The following USP32 variants were observed in gnomAD, a reference collection of about 807,000 sequenced individuals.
USP32 encodes the protein ubiquitin specific peptidase 32, also known as ubiquitin carboxyl-terminal hydrolase 32.
USP32 carries 59 observed loss-of-function variants against 204.8 expected under a neutral mutation model. The observed-to-expected ratio is 0.29, with a 90% CI of 0.23 to 0.36. USP32 has a LOEUF of 0.36. Among genes scored for constraint, USP32 ranks in the 10% least tolerant of loss-of-function variants. USP32 has a pLI of 1.00. For synonymous variants in USP32, 517 were observed against 678.4 expected, an observed-to-expected ratio of 0.76 and a Z score of 3.70; for missense variants, 1,160 against 1,946.4, an observed-to-expected ratio of 0.60 and a Z score of 7.60.
intron 33 of USP32, among the ~76,000 whole-genome samples, chr17:60,180,290 C>T (rs1347291189): frequency 1.3e-5 from 2 of 152,220 alleles, no homozygotes; most frequent in African/African-American, 4.8e-5. Flanking sequence ...CTGCCTCAGC[C>T]TCCCAAGGTG....
rs116015550 is a variant in USP32, at chr17:60,399,501, T to A, written c.106+22745A>T. ...AAGAGCCTGTCTCTACAAAAAAATTTAAAAAAAAAAATTTAGCTGGGTGTG... is the reference window on the plus strand; with the variant it reads ...AAGAGCCTGTCTCTACAAAAAAATTAAAAAAAAAAAATTTAGCTGGGTGTG... On this transcript the variant is annotated intron_variant, in intron 1 of 3. Coordinates refer to the USP32 transcript ENST00000588898. Among the ~76,000 whole-genome samples, 1,480 of 148,248 alleles carry A rather than the reference T, an allele frequency of 1.0e-2. 14 individuals are homozygous for A. The highest frequency in any genetic ancestry group is 0.021 in the South Asian group (97 of 4,668).
chr17:60,357,956 TG>T (rs1312891447), intron 1 of USP32, among the ~76,000 whole-genome samples: 1 of 151,974 alleles, frequency 6.6e-6, no homozygotes. Flanking sequence ...TTAGTAGAGA[TG>T]GGGTTTTCAC....
At chr17:60,351,419 A>G (rs963098250) in intron 1 of USP32, among the ~76,000 whole-genome samples, 14 of 151,438 alleles carry the variant, frequency 9.2e-5, no homozygotes, top group Non-Finnish European at 1.5e-4. Flanking sequence ...GCATTTATGA[A>G]ATGTCTACTA....
intron 1 of USP32, among the ~76,000 whole-genome samples, chr17:60,372,441 CAT>C (rs1339762152): frequency 6.6e-6 from 1 of 151,734 alleles, no homozygotes; most frequent in Non-Finnish European, 1.5e-5. Context: ...ACCTACACAG[CAT>C]ATTACTGTAC....
At chr17:60,399,600 C>T (rs2089921733) in intron 1 of USP32, among the ~76,000 whole-genome samples, 1 of 151,936 alleles carries the variant, frequency 6.6e-6, no homozygotes, top group Non-Finnish European at 1.5e-5. Flanking sequence ...GAAGTGGAGG[C>T]TCCAGTAGGC....
rs578241138 is a variant in USP32, at chr17:60,342,143, T to A, written c.186+3338A>T. On this transcript the variant is annotated intron_variant, in intron 2 of 33. Coordinates refer to ENST00000300896, the MANE Select transcript of USP32 (RefSeq NM_032582.4). ...TGCTATTCCTTTCTGTTTGTTCATT[T>A]TCCTTCTAACACTCAGGTCTCTCAG... Among the ~76,000 whole-genome samples the A allele has an allele frequency of 4.7e-4, 72 of 152,320 alleles. 1 individual carries two copies. Among genetic ancestry groups the A allele is most frequent in the African/African-American group, 1.7e-3 (70 of 41,578 alleles).
intron 11 of USP32, 51 bp from the exon 12 acceptor site, chr17:60,236,291 G>T: frequency 6.9e-7 from 1 of 1,452,986 alleles, no homozygotes; most frequent in Non-Finnish European, 9.6e-7. Context: ...GAAATAGGTG[G>T]CAACGCACAA....
intron 1 of USP32, among the ~76,000 whole-genome samples, chr17:60,368,201 G>A (rs900882187): frequency 2.6e-5 from 4 of 152,018 alleles, no homozygotes; most frequent in Non-Finnish European, 4.4e-5. Context: ...CAACCTTCCC[G>A]CAGAAAGAGA....
intron 26 of USP32, among the ~76,000 whole-genome samples, chr17:60,198,716 T>C (rs1249816263): frequency 6.6e-6 from 1 of 152,250 alleles, no homozygotes; most frequent in Non-Finnish European, 1.5e-5. Context: ...AAACCAGTTT[T>C]CTCTGATAAA....
intron 2 of USP32, among the ~76,000 whole-genome samples, chr17:60,335,149 T>C (rs1171191282): frequency 7.1e-6 from 1 of 141,770 alleles, no homozygotes; most frequent in African/African-American, 3.1e-5. Context: ...ATTTTTTTTA[T>C]TTTTTGTAGA....
chr17:60,243,020 A>T (rs1646663755), intron 11 of USP32, among the ~76,000 whole-genome samples: 1 of 152,208 alleles, frequency 6.6e-6, no homozygotes, highest in African/African-American at 2.4e-5. Flanking sequence ...ACATTTTCTT[A>T]AATTTCTGTC....
At chr17:60,246,413 A>T (rs79041272) in intron 11 of USP32, among the ~76,000 whole-genome samples, 3,218 of 142,710 alleles carry the variant, frequency 0.023, 67 homozygotes, top group Admixed American at 0.047. Context: ...ATATATATAT[A>T]TTTTTTTTTT....
chr17:60,225,913 C>T, intron 13 of USP32, 126 bp downstream of exon 13: 1 of 1,022,526 alleles, frequency 9.8e-7, no homozygotes, highest in East Asian at 3.0e-5. Flanking sequence ...GAGATCGCGC[C>T]ACTGCGCTCC....
chr17:60,215,298 A>G (rs2085073251), intron 16 of USP32, among the ~76,000 whole-genome samples: 1 of 152,150 alleles, frequency 6.6e-6, no homozygotes, highest in South Asian at 2.1e-4. Context: ...GTGAGTCCAA[A>G]GCCTCAACTT....
intron 11 of USP32, among the ~76,000 whole-genome samples, chr17:60,251,623 A>G (rs1275862311): frequency 2.0e-5 from 3 of 152,234 alleles, no homozygotes; most frequent in Non-Finnish European, 2.9e-5. Context: ...TAGCAATGTC[A>G]CAAAGCAATG....
At chr17:60,421,842 G>A (rs2090120379) in intron 1 of USP32, 1 of 985,268 alleles carries the variant, frequency 1.0e-6, no homozygotes, top group African/African-American at 1.7e-5. Flanking sequence ...TCCCCGCCTG[G>A]TGGCTGCGCA....
At chr17:60,363,555 G>A (rs1013663502) in intron 1 of USP32, among the ~76,000 whole-genome samples, 11 of 150,298 alleles carry the variant, frequency 7.3e-5, no homozygotes, top group East Asian at 2.0e-4. Flanking sequence ...TCACTCTGTC[G>A]CCAAGGCTGG....
intron 11 of USP32, chr17:60,245,520 T>C (rs2085996054): frequency 3.1e-6 from 1 of 322,894 alleles, no homozygotes; most frequent in South Asian, 3.0e-5. Context: ...ACAAACTCTG[T>C]TGTCAATACC....
At chr17:60,349,891 T>C (rs1194122528) in intron 1 of USP32, among the ~76,000 whole-genome samples, 2 of 151,066 alleles carry the variant, frequency 1.3e-5, no homozygotes, top group African/African-American at 2.4e-5. Flanking sequence ...AATAAATACA[T>C]AAAAATGTTC....
Sources: allele counts gnomAD v4.1 joint callset (sites outside exome capture counted in the v4.1 genomes callset), GRCh38; gene constraint gnomAD v4.1.1; transcripts MANE v1.5; gene names NCBI Gene and HGNC (gene_info 2026-07-23, HGNC 2026-07-21).